RAB37: variants seen among roughly 807,000 people sequenced by gnomAD.
RAB37 encodes the protein ras-related protein Rab-37.
RAB37 carries 29 observed loss-of-function variants against 33.1 expected under a neutral mutation model. The observed-to-expected ratio is 0.88, with a 90% CI of 0.65 to 1.20. The LOEUF (loss-of-function observed/expected upper bound fraction) is 1.20. Ranked by LOEUF, RAB37 falls within the 50% of genes most tolerant of loss-of-function variation. The pLI is 0.00. For missense variants in RAB37, 299 were observed against 301.1 expected (o/e 0.99, Z 0.05); for synonymous variants, 128 against 119.5 (o/e 1.07, Z -0.47).
At chr17:74,743,918 C>G (rs1335275569) in intron 5 of RAB37, among the ~76,000 whole-genome samples, 1 of 152,174 alleles carries the variant, frequency 6.6e-6, no homozygotes, top group Non-Finnish European at 1.5e-5. Context: ...ATACTCCTAC[C>G]TCCAACCCCA....
chr17:74,673,886 C>T lies in RAB37; in HGVS notation c.72+2228C>T, dbSNP rs574307939. Among the ~76,000 whole-genome samples, 3 of 152,296 alleles carry T rather than the reference C, an allele frequency of 2.0e-5. No homozygotes were observed. In the South Asian group the frequency reaches 6.2e-4, roughly 32 times the overall value. ...CTTATATAGTGCTGACAACCTCCTC[C>T]TAATACTACTTTATGATTGTGCATG... On this transcript the variant is annotated intron_variant, in intron 1 of 7. Coordinates refer to the RAB37 transcript ENST00000340415.
chr17:74,704,947 G>T, intron 1 of RAB37: 1 of 735,518 alleles, frequency 1.4e-6, no homozygotes, highest in Non-Finnish European at 2.2e-6. Flanking sequence ...TACACCTTCC[G>T]CAGACAAAAC....
chr17:74,687,899 T>G (rs753269097), intron 1 of RAB37, among the ~76,000 whole-genome samples: 34 of 152,216 alleles, frequency 2.2e-4, no homozygotes, highest in Admixed American at 2.0e-4. Context: ...CACACATCAG[T>G]AGATGTTGGC....
intron 1 of RAB37, among the ~76,000 whole-genome samples, chr17:74,719,171 AG>A: frequency 6.6e-6 from 1 of 152,188 alleles, no homozygotes; most frequent in Non-Finnish European, 1.5e-5. Flanking sequence ...ATGCAGGCCA[AG>A]TTTGGTGGCT....
chr17:74,685,457 A>G (rs961889766), intron 1 of RAB37, among the ~76,000 whole-genome samples: 1 of 152,106 alleles, frequency 6.6e-6, no homozygotes, highest in African/African-American at 2.4e-5. Context: ...CAAAGTTCTG[A>G]GATTACAGGC....
At chr17:74,728,637 TTCTG>T (rs2034339331) in intron 1 of RAB37, among the ~76,000 whole-genome samples, 2 of 151,998 alleles carry the variant, frequency 1.3e-5, no homozygotes, top group South Asian at 2.1e-4. Context: ...ATGCATCTGT[TTCTG>T]TATGTATATG....
intron 1 of RAB37, among the ~76,000 whole-genome samples, chr17:74,711,911 T>C (rs956076156): frequency 1.0e-4 from 15 of 148,856 alleles, no homozygotes; most frequent in Admixed American, 6.7e-4. Context: ...TTTTTCTTTT[T>C]TTTTTTTTTT....
intron 1 of RAB37, among the ~76,000 whole-genome samples, chr17:74,708,944 G>A (rs2033751497): frequency 6.6e-6 from 1 of 150,766 alleles, no homozygotes; most frequent in Admixed American, 6.6e-5. Context: ...CAATAAGGAG[G>A]CCAGGCACGG....
upstream of RAB37, among the ~76,000 whole-genome samples, chr17:74,734,358 T>C (rs1379304863): frequency 1.3e-5 from 2 of 152,256 alleles, no homozygotes; most frequent in Non-Finnish European, 2.9e-5. Context: ...AACCTCATCT[T>C]AATGAGTGAT....
rs2034297600 is a variant in RAB37 at position 74,725,678 on chromosome 17, C to G, written c.73-3578C>G. ...TTGCTCTGTCACCCAGGCTAGAGTG[C>G]AGTGGCATGATCTTGGCTCACCGCA... On this transcript the variant is annotated intron_variant, in intron 1 of 7. Transcript: ENST00000340415. Among the ~76,000 whole-genome samples, 4 of 151,626 alleles carry G rather than the reference C, an allele frequency of 2.6e-5. No homozygotes were observed. In the South Asian group the frequency reaches 8.3e-4, roughly 32 times the overall value.
intron 1 of RAB37, among the ~76,000 whole-genome samples, chr17:74,685,287 C>T (rs955263805): frequency 9.9e-5 from 15 of 152,028 alleles, no homozygotes; most frequent in Admixed American, 2.6e-4. Context: ...TGGGTTCAAG[C>T]GATTCTCCCA....
chr17:74,716,250 T>C (rs5018106), intron 1 of RAB37, among the ~76,000 whole-genome samples: 15,180 of 152,140 alleles, frequency 0.1, 859 homozygotes, highest in East Asian at 0.15. Context: ...ATTAGACAGG[T>C]CATCTGAGAT....
At position 74,700,358 on chromosome 17, in the gene RAB37, G is replaced by A. The variant is rs568106088; in HGVS notation, c.72+28700G>A. 1.4e-4 allele frequency among the ~76,000 whole-genome samples: 21 copies of A among 151,942 alleles called. No homozygotes were observed. In the South Asian group the frequency reaches 2.9e-3, roughly 21 times the overall value. On this transcript the variant is annotated intron_variant, in intron 1 of 7. Coordinates refer to the RAB37 transcript ENST00000340415. ...TATTCCAGGCACATCCCCACATTACGGACCTTATTCCAGTTGCATTTTTCT... is the reference window on the plus strand; with the variant it reads ...TATTCCAGGCACATCCCCACATTACAGACCTTATTCCAGTTGCATTTTTCT...
intron 1 of RAB37, among the ~76,000 whole-genome samples, chr17:74,704,006 A>T (rs750523370): frequency 6.6e-6 from 1 of 152,114 alleles, no homozygotes; most frequent in Non-Finnish European, 1.5e-5. Flanking sequence ...AGACCCCAGC[A>T]CCCCGACTAT....
chr17:74,728,122 CTT>C (rs2034329159), intron 1 of RAB37, among the ~76,000 whole-genome samples: 2 of 148,106 alleles, frequency 1.4e-5, no homozygotes, highest in South Asian at 4.4e-4. Flanking sequence ...GTGTGCATGT[CTT>C]TGTATATGTT....
intron 1 of RAB37, chr17:74,695,738 T>G (rs762658578): frequency 3.1e-6 from 5 of 1,613,932 alleles, no homozygotes; most frequent in Non-Finnish European, 4.2e-6. Context: ...GGTGACATAT[T>G]CCACTTCCAC....
intron 1 of RAB37, among the ~76,000 whole-genome samples, chr17:74,674,670 T>G (rs1315516207): frequency 6.6e-6 from 1 of 151,948 alleles, no homozygotes; most frequent in Non-Finnish European, 1.5e-5. Flanking sequence ...AGAGCAAGAC[T>G]CCATCTCAAA....
chr17:74,723,704 G>C (rs920043638), intron 1 of RAB37, among the ~76,000 whole-genome samples: 2 of 150,000 alleles, frequency 1.3e-5, no homozygotes, highest in African/African-American at 4.9e-5. Context: ...TCAGCCTCCT[G>C]AGTAGCTGGG....
At chr17:74,734,974 A>AAAGG (rs1438383745), upstream of RAB37, among the ~76,000 whole-genome samples, 8,023 of 124,274 alleles carry the variant, frequency 0.065, 507 homozygotes, top group African/African-American at 0.14. Flanking sequence ...AAAGAAAAAG[A>AAAGG]AAGAAAGAAA....
Sources: gnomAD v4.1 joint callset for allele counts (sites outside exome capture counted in the v4.1 genomes callset) on GRCh38, gnomAD v4.1.1 for gene constraint, MANE v1.5 for transcripts, NCBI Gene and HGNC (gene_info 2026-07-23, HGNC 2026-07-21) for gene names.